Variants in SLC22A11 observed in about 807,000 individuals in gnomAD.
SLC22A11 encodes the protein solute carrier family 22 member 11, also known as organic anion transporter 4.
A neutral mutation model predicts 49.4 loss-of-function variants in SLC22A11; 42 were observed. The ratio of observed to expected loss-of-function variants is 0.85; its 90% CI spans 0.66 to 1.10. SLC22A11 has a LOEUF of 1.10. SLC22A11 is among the 50% of genes least tolerant of loss of function. SLC22A11 has a pLI of 0.00. For synonymous variants in SLC22A11, 304 were observed against 315.8 expected, an observed-to-expected ratio of 0.96 and a Z score of 0.40; for missense variants, 685 against 731.6, an observed-to-expected ratio of 0.94 and a Z score of 0.74.
Position 64,564,160 on chromosome 11 carries a change from A to G in SLC22A11, c.822-148A>G. On this transcript the variant is annotated intron_variant, in intron 4 of 9. Transcript: ENST00000301891. This position sits in a 1 kb window ranked among gnomAD's most constrained non-coding sequence, Gnocchi z 4.2. ...TATTCTGAAACCGCTGGGGACTGCC[A>G]GGCTCCTGGCTGGGCAGCAGCGGCA... 9.7e-7 allele frequency: 1 copy of G among 1,029,212 alleles called. No homozygotes were observed. 63.8% of individuals were successfully genotyped at this position (1,029,212 alleles called of 1,614,324 possible).
chr11:64,568,571 C>A, intron 7 of SLC22A11, 99 bp from the exon 8 acceptor site: 1 of 969,538 alleles, frequency 1.0e-6, no homozygotes, highest in Non-Finnish European at 1.6e-6. Context: ...TTGTAGGGAG[C>A]CCAGGGTCCC....
chr11:64,561,155 G>T (rs1355761203), intron 2 of SLC22A11, among the ~76,000 whole-genome samples: 1 of 152,204 alleles, frequency 6.6e-6, no homozygotes, highest in African/African-American at 2.4e-5. Flanking sequence ...GGAGGCCACC[G>T]CAGCCCAGGG....
In SLC22A11 at chr11:64,568,788, G is replaced by A. The variant is rs1195137766; in HGVS notation, c.1382+10G>A. 1.9e-6 allele frequency: 3 copies of A among 1,610,832 alleles called. No individual in the cohort carries two copies. Among genetic ancestry groups the A allele is most frequent in the African/African-American group, 1.3e-5 (1 of 74,954 alleles). On this transcript the variant is annotated intron_variant, in intron 8 of 9. Coordinates refer to ENST00000301891, the MANE Select transcript of SLC22A11 (RefSeq NM_018484.4). ...TTCCAACGCCAGTGCGGTAAGCTGG[G>A]CTGCAGGCCATGCCCCAGGGCCAGC...
At chr11:64,566,179 G>A (rs1050197646) in intron 6 of SLC22A11, 2 of 152,646 alleles carry the variant, frequency 1.3e-5, no homozygotes, top group African/African-American at 2.4e-5. Flanking sequence ...CCAGGAGATA[G>A]AGGCTGCACT....
intron 8 of SLC22A11, 69 bp from the exon 9 acceptor site, chr11:64,569,583 G>C: frequency 6.6e-7 from 1 of 1,506,258 alleles, no homozygotes; most frequent in South Asian, 1.2e-5. Context: ...TGGCATCTGT[G>C]AGCCCAGGAT....
At position 64,556,045 on chromosome 11, in the gene SLC22A11, T is replaced by C; in HGVS notation, c.46T>C (p.Phe16Leu). 1 of 1,613,544 alleles carries C rather than the reference T, an allele frequency of 6.2e-7. No individual in the cohort carries two copies. The highest frequency in any genetic ancestry group is 8.5e-7 in the Non-Finnish European group (1 of 1,180,028). The change falls in exon 1 of 10, where the codon TTC becomes CTC. Residue 16 changes from phenylalanine (F) to leucine (L), a missense_variant. By Grantham distance (22) the Phe-to-Leu change is conservative. Transcript: ENST00000301891. ...LLEQAGGVGLFQTLQVLTFIL... is the reference protein window; with the variant it reads ...LLEQAGGVGLLQTLQVLTFIL... Reference sequence around the variant, plus strand: ...GGAGCAAGCCGGAGGCGTGGGCCTCTTCCAGACCCTGCAGGTGCTCACCTT... The same window carrying C: ...GGAGCAAGCCGGAGGCGTGGGCCTCCTCCAGACCCTGCAGGTGCTCACCTT...
chr11:64,564,181 C>A lies in SLC22A11; in HGVS notation c.822-127C>A. 8.2e-7 allele frequency: 1 copy of A among 1,217,906 alleles called. No homozygotes were observed. Among genetic ancestry groups the A allele is most frequent in the Non-Finnish European group, 1.1e-6 (1 of 877,746 alleles). 75.4% of individuals were successfully genotyped at this position (1,217,906 alleles called of 1,614,324 possible). A position where few individuals can be genotyped will look rare whatever the true frequency, so the allele number is the denominator to read the frequency against. ...TGCCAGGCTCCTGGCTGGGCAGCAG[C>A]GGCACAGAAGCATGTGCTTCCTCAT... On this transcript the variant is annotated intron_variant, in intron 4 of 9. Coordinates refer to ENST00000301891, the MANE Select transcript of SLC22A11 (RefSeq NM_018484.4). The surrounding 1 kb of genome is among the most constrained non-coding windows in gnomAD (Gnocchi z 4.2).
In SLC22A11 at chr11:64,559,216, A is replaced by T. The variant is rs760742678; in HGVS notation, c.475A>T (p.Ile159Phe). 3 of 1,608,622 alleles carry T rather than the reference A, an allele frequency of 1.9e-6. No individual in the cohort carries two copies. The South Asian group carries it at 3.3e-5, about 18-fold the overall frequency. ...FMSGILVGSF[I>F]WGLLSYRFGR... ...GTCCGGGATCCTGGTGGGCTCCTTT[A>T]TCTGGGGCCTCCTCTCCTACCGGTG... The change falls in exon 2 of 10, where the codon ATC becomes TTC. Residue 159 changes from isoleucine to phenylalanine, a missense_variant. By Grantham distance (21) the Ile-to-Phe change is conservative. Transcript: ENST00000301891.
chr11:64,567,561 C>G (rs749564899), intron 6 of SLC22A11, 38 bp from the exon 7 acceptor site: 178 of 1,595,408 alleles, frequency 1.1e-4, no homozygotes, highest in Non-Finnish European at 1.4e-4. Flanking sequence ...GCCCTCTCCC[C>G]GGCAGGGCAG....
At position 64,556,201 on chromosome 11, in the gene SLC22A11, G is replaced by T; in HGVS notation, c.202G>T (p.Ala68Ser). 1 of 1,614,086 alleles carries T rather than the reference G, an allele frequency of 6.2e-7. No homozygotes were observed. Among genetic ancestry groups the T allele is most frequent in the Non-Finnish European group, 8.5e-7 (1 of 1,180,014 alleles). ...GGTTTCCACAAACATGACCCCCAAG[G>T]CCCTTCTGACCATCTCCATCCCGCC... ...SAVSTNMTPK[A>S]LLTISIPPGP... The change falls in exon 1 of 10, where the codon GCC becomes TCC. Residue 68 changes from alanine (A) to serine (S), a missense_variant. Physicochemically the swap from Ala to Ser is moderately conservative, Grantham distance 99. Transcript: ENST00000301891.
rs1565118730 is a variant in SLC22A11 at position 64,556,145 on chromosome 11, G to T, written c.146G>T (p.Cys49Phe). 6.2e-7 allele frequency: 1 copy of T among 1,614,200 alleles called. No individual in the cohort carries two copies. Among genetic ancestry groups the T allele is most frequent in the East Asian group, 2.2e-5 (1 of 44,886 alleles). Residue 49 changes from cysteine (C) to phenylalanine (F), a missense_variant, in exon 1 of 10, where the codon TGC (cysteine) becomes TTC (phenylalanine). Cys to Phe is a radical substitution (Grantham distance 205). Transcript: ENST00000301891. ...TCAGCCGCCATCCCAGGCCACCGATGCTGGACACACATGCTGGACAATGGC... is the reference window on the plus strand; with the variant it reads ...TCAGCCGCCATCCCAGGCCACCGATTCTGGACACACATGCTGGACAATGGC... ...NFSAAIPGHR[C>F]WTHMLDNGSA...
chr11:64,568,681 C>G lies in SLC22A11; in HGVS notation c.1285C>G (p.Leu429Val), dbSNP rs1272260322. ...CTTCCTGTACCCAGATTTGCAGACCCTGCGTGTGGTCTTTGCTGTGCTGGG... is the reference window on the plus strand; with the variant it reads ...CTTCCTGTACCCAGATTTGCAGACCGTGCGTGTGGTCTTTGCTGTGCTGGG... ...NMLVPQDLQT[L>V]RVVFAVLGKG... is the part of the protein sequence containing the mutation. Residue 429 changes from leucine (L) to valine (V), a missense_variant, in exon 8 of 10, where the codon CTG becomes GTG. Physicochemically the swap from Leu to Val is conservative, Grantham distance 32. Transcript: ENST00000301891. The G allele has an allele frequency of 1.6e-5, 26 of 1,613,960 alleles. No homozygotes were observed. The Admixed American group carries it at 3.7e-4, about 23-fold the overall frequency.
intron 6 of SLC22A11, among the ~76,000 whole-genome samples, 185 bp from the exon 7 acceptor site, chr11:64,567,414 G>A (rs1200773007): frequency 6.6e-6 from 1 of 152,246 alleles, no homozygotes; most frequent in Non-Finnish European, 1.5e-5. Context: ...TTTCCTGGAA[G>A]AGCCTGACGC....
At chr11:64,568,892 C>G (rs532584329) in intron 8 of SLC22A11, 114 bp downstream of exon 8, 4 of 855,922 alleles carry the variant, frequency 4.7e-6, no homozygotes, top group Admixed American at 2.0e-5. Context: ...CGCTCAGGGT[C>G]CCCCCCAGGA....
intron 2 of SLC22A11, among the ~76,000 whole-genome samples, chr11:64,560,998 C>T (rs945117111): frequency 5.9e-5 from 9 of 152,348 alleles, no homozygotes; most frequent in Middle Eastern, 6.8e-3. Flanking sequence ...CACCTGCCCA[C>T]GCAGTTGTCG....
intron 4 of SLC22A11, among the ~76,000 whole-genome samples, chr11:64,563,296 C>T (rs951571174): frequency 2.0e-5 from 3 of 152,166 alleles, no homozygotes; most frequent in African/African-American, 4.8e-5. Context: ...TAAGATGATG[C>T]GATTACCACC....
At chr11:64,568,859 A>G (rs998117006) in intron 8 of SLC22A11, 81 bp downstream of exon 8, 28 of 1,331,522 alleles carry the variant, frequency 2.1e-5, no homozygotes, top group Non-Finnish European at 2.7e-5. Context: ...AGGGTCTGGC[A>G]GCCAGGGAAA....
chr11:64,568,774 G>C lies in SLC22A11; in HGVS notation c.1378G>C (p.Val460Leu). The change falls in exon 8 of 10, where the codon GTG becomes CTG. Residue 460 changes from valine (V) to leucine (L), a missense_variant. Transcript: ENST00000301891. ...IYKAELFPTP[V>L]RMTADGILHT... ...CAAGGCTGAACTCTTTCCAACGCCA[G>C]TGCGGTAAGCTGGGCTGCAGGCCAT... 1 of 1,613,576 alleles carries C rather than the reference G, an allele frequency of 6.2e-7. No individual in the cohort carries two copies. Among genetic ancestry groups the C allele is most frequent in the Non-Finnish European group, 8.5e-7 (1 of 1,179,610 alleles).
chr11:64,558,832 T>G (rs910594050), intron 1 of SLC22A11, among the ~76,000 whole-genome samples: 2 of 152,212 alleles, frequency 1.3e-5, no homozygotes, highest in African/African-American at 4.8e-5. Flanking sequence ...TGTTCATTTT[T>G]CTACCACTTC....
Sources: gnomAD v4.1 joint callset for allele counts (sites outside exome capture counted in the v4.1 genomes callset) on GRCh38, gnomAD v4.1.1 for gene constraint, Gnocchi (gnomAD v3.1) non-coding constraint, MANE v1.5 for transcripts, NCBI Gene and HGNC (gene_info 2026-07-23, HGNC 2026-07-21) for gene names.